MYOM2: variants seen among roughly 807,000 people sequenced by gnomAD.
MYOM2 encodes myomesin-2.
In MYOM2, 254 loss-of-function variants were observed where a neutral mutation model predicts 187.6. The observed-to-expected ratio is 1.35, with a 90% CI of 1.22 to 1.50. The LOEUF is 1.50. Among genes scored for constraint, MYOM2 ranks in the 40% most tolerant of loss-of-function variants. The probability of loss-of-function intolerance (pLI) is 0.00; values close to 1 mark genes in which losing one functional copy is unlikely to be tolerated. For missense variants in MYOM2, 2,796 were observed against 1,924.0 expected (o/e 1.45, Z -8.48); for synonymous variants, 981 against 753.8 (o/e 1.30, Z -4.94).
intron 25 of MYOM2, among the ~76,000 whole-genome samples, chr8:2,112,146 A>G (rs572760591): frequency 5.9e-5 from 9 of 152,274 alleles, no homozygotes; most frequent in South Asian, 2.1e-4. Context: ...CACTTGGCCA[A>G]TACACCAGCA....
intron 32 of MYOM2, among the ~76,000 whole-genome samples, chr8:2,137,097 A>G (rs1016627998): frequency 2.6e-5 from 4 of 151,394 alleles, no homozygotes; most frequent in African/African-American, 9.7e-5. Context: ...ACACACACAG[A>G]GCAGAGGTTT....
rs1044098127 is a variant in MYOM2 at position 2,079,579 on chromosome 8, G to A, written c.1482G>A (p.Glu494=). ...CCGCAGCCGTTCATTTGGAGGGAGA[G>A]AAGGAGATTGCCATTTATCAGGATG... is the stretch of plus-strand genomic sequence containing the variant. ...RRLQAVHLEG[E]KEIAIYQDDL... is the part of the protein sequence containing the mutation. Residue 494 remains glutamate, a synonymous_variant, in exon 13 of 37, where the codon GAG becomes GAA. Coordinates refer to ENST00000262113, the MANE Select transcript of MYOM2 (RefSeq NM_003970.4). 8.1e-6 allele frequency: 13 copies of A among 1,614,040 alleles called. No individual in the cohort carries two copies. The highest frequency in any genetic ancestry group is 1.7e-5 in the Admixed American group (1 of 60,006).
intron 32 of MYOM2, among the ~76,000 whole-genome samples, chr8:2,135,730 C>G (rs920964230): frequency 6.6e-6 from 1 of 152,154 alleles, no homozygotes; most frequent in Non-Finnish European, 1.5e-5. Context: ...ATATTTGGCC[C>G]ATTTATGTCT....
chr8:2,076,330 C>G (rs1204687854), intron 11 of MYOM2, 48 bp downstream of exon 11: 1 of 1,596,012 alleles, frequency 6.3e-7, no homozygotes, highest in South Asian at 1.1e-5. Flanking sequence ...CGCATGGAAT[C>G]TTACCATGGA....
At chr8:2,126,484 A>T (rs144099144) in intron 31 of MYOM2, among the ~76,000 whole-genome samples, 26 of 152,300 alleles carry the variant, frequency 1.7e-4, no homozygotes, top group Non-Finnish European at 3.1e-4. Context: ...ACACTCATAC[A>T]TGCACACACT....
intron 16 of MYOM2, 63 bp downstream of exon 16, chr8:2,092,583 C>T: frequency 1.3e-6 from 2 of 1,553,216 alleles, no homozygotes; most frequent in Non-Finnish European, 1.7e-6. Context: ...GTTGAGGTCC[C>T]TGTGGCCCTG....
At chr8:2,057,527 G>A (rs1243807922) in intron 4 of MYOM2, 41 bp downstream of exon 4, 2 of 1,613,502 alleles carry the variant, frequency 1.2e-6, no homozygotes, top group Non-Finnish European at 8.5e-7. Context: ...GGGAAGCGTG[G>A]ACTAGATCTT....
intron 32 of MYOM2, among the ~76,000 whole-genome samples, chr8:2,134,162 G>A (rs1350347613): frequency 6.6e-6 from 1 of 152,172 alleles, no homozygotes; most frequent in Non-Finnish European, 1.5e-5. Flanking sequence ...ACGCCCTTTT[G>A]CATGTTCCTG....
intron 3 of MYOM2, among the ~76,000 whole-genome samples, 155 bp from the exon 4 acceptor site, chr8:2,057,193 A>G (rs1373070807): frequency 6.6e-6 from 1 of 152,242 alleles, no homozygotes; most frequent in Non-Finnish European, 1.5e-5. Flanking sequence ...TTGAAGATAG[A>G]TTCAAATGAG....
chr8:2,096,515 A>G lies in MYOM2; in HGVS notation c.2313+81A>G. 4 of 1,344,296 alleles carry G rather than the reference A, an allele frequency of 3.0e-6. No individual in the cohort carries two copies. The South Asian group carries it at 4.1e-5, about 14-fold the overall frequency. The allele number at this position is 1,344,296 out of a possible 1,614,324, so 83.3% of individuals were successfully genotyped here. ...TGGCAATGTTTCTGCGTTTGATGAC[A>G]TTAGATAGTTTGATACAGACACAAA... On this transcript the variant is annotated intron_variant, in intron 18 of 36. Coordinates refer to ENST00000262113, the MANE Select transcript of MYOM2 (RefSeq NM_003970.4).
chr8:2,069,191 G>C, intron 6 of MYOM2, 87 bp from the exon 7 acceptor site: 1 of 1,277,826 alleles, frequency 7.8e-7, no homozygotes, highest in Non-Finnish European at 1.1e-6. Context: ...CATGTGATTT[G>C]CTTTCGAGGA....
chr8:2,083,394 A>T lies in MYOM2; in HGVS notation c.1517-1869A>T, dbSNP rs533242341. On this transcript the variant is annotated intron_variant, in intron 13 of 36. Transcript: ENST00000262113. ...TAGCATGTGCTTAGCGGCATCTCACATGTGCCTAGTGGCATCTCACGTGTG... is the reference window on the plus strand; with the variant it reads ...TAGCATGTGCTTAGCGGCATCTCACTTGTGCCTAGTGGCATCTCACGTGTG... 1.2e-4 allele frequency among the ~76,000 whole-genome samples: 18 copies of T among 151,676 alleles called. No homozygotes were observed. In the South Asian group the frequency reaches 2.7e-3, roughly 23 times the overall value.
At position 2,100,993 on chromosome 8, in the gene MYOM2, A is replaced by G; in HGVS notation, c.2558A>G (p.Glu853Gly). Residue 853 changes from glutamate to glycine, a missense_variant, in exon 20 of 37, where the codon GAG becomes GGG. Physicochemically the swap from Glu to Gly is moderately conservative, Grantham distance 98. Coordinates refer to ENST00000262113, the MANE Select transcript of MYOM2 (RefSeq NM_003970.4). ...TCTGGATATTTCGTGGACTTCAGGG[A>G]GGAGGATGCTGGAGAGTGGATCACT... ...PVSGYFVDFR[E>G]EDAGEWITVN... The G allele has an allele frequency of 6.2e-7, 1 of 1,614,104 alleles. No individual in the cohort carries two copies. The highest frequency in any genetic ancestry group is 8.5e-7 in the Non-Finnish European group (1 of 1,180,022).
chr8:2,116,021 G>A lies in MYOM2; in HGVS notation c.3242G>A (p.Ser1081Asn). Residue 1081 changes from serine to asparagine, a missense_variant, in exon 26 of 37, where the codon AGT becomes AAT. Physicochemically the swap from Ser to Asn is conservative, Grantham distance 46. Coordinates refer to ENST00000262113, the MANE Select transcript of MYOM2 (RefSeq NM_003970.4). The part of the protein sequence containing the change: ...GIIEMVMDRF[S>N]IENEGTYTVQ... ...ATTGAGATGGTGATGGATCGATTTA[G>A]TATTGAAAATGAGGGGACCTACACT... The A allele has an allele frequency of 6.2e-7, 1 of 1,613,904 alleles. No individual in the cohort carries two copies. Among genetic ancestry groups the A allele is most frequent in the Non-Finnish European group, 8.5e-7 (1 of 1,179,926 alleles).
chr8:2,129,494 G>A lies in MYOM2; in HGVS notation c.3800+262G>A, dbSNP rs146007731. On this transcript the variant is annotated intron_variant, in intron 32 of 36. Coordinates refer to ENST00000262113, the MANE Select transcript of MYOM2 (RefSeq NM_003970.4). ...TCTAGTGTCTCAGTCACCAAAGGTG[G>A]CTTTACTGGTAACACAGATTTTCTC... Among the ~76,000 whole-genome samples, 4,198 of 152,268 alleles carry A rather than the reference G, an allele frequency of 0.028. 60 individuals are homozygous for A. The highest frequency in any genetic ancestry group is 0.048 in the Middle Eastern group (14 of 294).
chr8:2,085,536 T>TGCGTGGCCCCTCACTGTCGTGATCTCC, intron 14 of MYOM2, 146 bp downstream of exon 14: 1 of 313,180 alleles, frequency 3.2e-6, no homozygotes, highest in Non-Finnish European at 5.1e-6. Flanking sequence ...TTGTGATCTC[T>TGCGTGGCCCCTCACTGTCGTGATCTCC]GCGTGGCCCC....
chr8:2,131,631 A>G (rs754748279), intron 32 of MYOM2, among the ~76,000 whole-genome samples: 6 of 143,342 alleles, frequency 4.2e-5, no homozygotes, highest in Non-Finnish European at 7.4e-5. Context: ...ACAACAAAAC[A>G]GGCATTTCTT....
At position 2,102,699 on chromosome 8, in the gene MYOM2, C is replaced by G; in HGVS notation, c.2652C>G (p.Val884=). The change falls in exon 21 of 37, where the codon GTC becomes GTG. Residue 884 remains valine (V), a synonymous_variant. Coordinates refer to ENST00000262113, the MANE Select transcript of MYOM2 (RefSeq NM_003970.4). ...VSDLQQGKTY[V]FRVRAVNANG... ...ACCTGCAGCAAGGTAAGACCTATGT[C>G]TTCAGGGTCCGGGCAGTCAATGCAA... 3 of 1,613,950 alleles carry G rather than the reference C, an allele frequency of 1.9e-6. No individual in the cohort carries two copies. The highest frequency in any genetic ancestry group is 1.1e-5 in the South Asian group (1 of 91,078).
chr8:2,089,990 T>G lies in MYOM2; in HGVS notation c.1645-18T>G. 3 of 1,611,934 alleles carry G rather than the reference T, an allele frequency of 1.9e-6. No individual in the cohort carries two copies. The highest frequency in any genetic ancestry group is 2.5e-6 in the Non-Finnish European group (3 of 1,178,608). ...TCGCGGTTTTCACTGCCAGTCTCGT[T>G]TCTGTTTCTCTTTGTAGTCCGTGGT... On this transcript the variant is annotated intron_variant, in intron 14 of 36. Transcript: ENST00000262113.
Sources: gnomAD v4.1 joint callset for allele counts (sites outside exome capture counted in the v4.1 genomes callset) on GRCh38, gnomAD v4.1.1 for gene constraint, MANE v1.5 for transcripts, NCBI Gene and HGNC (gene_info 2026-07-23, HGNC 2026-07-21) for gene names.